Variants in SOX6 observed in about 807,000 individuals in gnomAD.
The protein encoded by SOX6 is transcription factor SOX-6.
In SOX6, 11 loss-of-function variants were observed where a neutral mutation model predicts 97.8. The observed-to-expected ratio is 0.11, with a 90% confidence interval of 0.07 to 0.19. SOX6 has a LOEUF of 0.19. Ranked by LOEUF, SOX6 falls within the 10% of genes least tolerant of loss-of-function variation. The probability of loss-of-function intolerance (pLI) is 1.00; values close to 1 mark genes in which losing one functional copy is unlikely to be tolerated. For missense variants in SOX6, 810 were observed against 1,039.5 expected (o/e 0.78, Z 3.04); for synonymous variants, 360 against 371.4 (o/e 0.97, Z 0.35).
chr11:16,678,064 A>T (rs1307237428), intron 3 of SOX6, among the ~76,000 whole-genome samples: 1 of 152,134 alleles, frequency 6.6e-6, no homozygotes, highest in African/African-American at 2.4e-5. Flanking sequence ...CTCTGACTAG[A>T]TGTTTATCAA....
chr11:16,024,939 C>T (rs1855174317), intron 12 of SOX6, among the ~76,000 whole-genome samples: 1 of 152,140 alleles, frequency 6.6e-6, no homozygotes, highest in Non-Finnish European at 1.5e-5. Flanking sequence ...TCCTAGACAT[C>T]TCCTGTAACA....
intron 4 of SOX6, 94 bp from the exon 5 acceptor site, chr11:16,187,049 G>T: frequency 7.4e-7 from 1 of 1,343,568 alleles, no homozygotes; most frequent in Non-Finnish European, 1.1e-6. Flanking sequence ...ACTATCCTAA[G>T]ACATTTAAAG....
intron 3 of SOX6, among the ~76,000 whole-genome samples, chr11:16,637,912 T>C (rs1344729941): frequency 6.6e-6 from 1 of 151,722 alleles, no homozygotes; most frequent in Non-Finnish European, 1.5e-5. Context: ...AGGGTCTCAT[T>C]CTTTTTTTTT....
intron 6 of SOX6, among the ~76,000 whole-genome samples, chr11:16,149,664 T>C (rs1444055426): frequency 6.6e-6 from 1 of 152,208 alleles, no homozygotes; most frequent in South Asian, 2.1e-4. Flanking sequence ...AGAATACTTA[T>C]GTCAATTCCT....
chr11:16,337,021 T>C (rs1286321726), intron 2 of SOX6, among the ~76,000 whole-genome samples: 2 of 152,250 alleles, frequency 1.3e-5, no homozygotes, highest in Admixed American at 6.6e-5. Context: ...TCTGAAATTG[T>C]CTCACTCTAT....
At chr11:16,215,469 C>A (rs1852347633) in intron 4 of SOX6, among the ~76,000 whole-genome samples, 1 of 152,126 alleles carries the variant, frequency 6.6e-6, no homozygotes, top group Non-Finnish European at 1.5e-5. Flanking sequence ...ACTATGCTAA[C>A]AATGTAAGAA....
chr11:16,166,992 G>C (rs754504185), intron 6 of SOX6, among the ~76,000 whole-genome samples: 13 of 152,062 alleles, frequency 8.5e-5, no homozygotes, highest in Admixed American at 7.2e-4. Context: ...TGAAAACTAC[G>C]CATACATTGA....
At chr11:16,424,796 T>C (rs1859091765) in intron 1 of SOX6, among the ~76,000 whole-genome samples, 1 of 152,214 alleles carries the variant, frequency 6.6e-6, no homozygotes, top group African/African-American at 2.4e-5. Flanking sequence ...AGAGATATTT[T>C]GTGTGTCCCA....
At chr11:16,066,790 T>C (rs750201780) in intron 9 of SOX6, among the ~76,000 whole-genome samples, 1 of 152,122 alleles carries the variant, frequency 6.6e-6, no homozygotes, top group Non-Finnish European at 1.5e-5. Flanking sequence ...GGATGGTTCA[T>C]AGGTACAGAT....
chr11:16,025,577 T>A (rs1041860403), intron 12 of SOX6, among the ~76,000 whole-genome samples: 1 of 152,206 alleles, frequency 6.6e-6, no homozygotes, highest in Non-Finnish European at 1.5e-5. Flanking sequence ...CCTGTTTAAT[T>A]TATAATGTGT....
chr11:16,097,785 C>A lies in SOX6; in HGVS notation c.899-97G>T, dbSNP rs958422971. The A allele has an allele frequency of 7.0e-6, 8 of 1,137,948 alleles. No individual in the cohort carries two copies. In the African/African-American group the frequency reaches 1.2e-4, roughly 17 times the overall value. The allele number at this position is 1,137,948 out of a possible 1,614,324, so 70.5% of individuals were successfully genotyped here. The stretch of plus-strand genomic sequence containing the variant: ...TCCTTGGATTGCCTGAGCTTTACAA[C>A]ATTGCTCTAAGCCCAAACATCTGCA... On this transcript the variant is annotated intron_variant, in intron 7 of 15. Transcript: ENST00000683767.
chr11:16,437,515 G>T (rs1384296001), intron 1 of SOX6, among the ~76,000 whole-genome samples: 1 of 152,088 alleles, frequency 6.6e-6, no homozygotes, highest in Non-Finnish European at 1.5e-5. Flanking sequence ...AAGATTAAAG[G>T]TCTTATAAGT....
chr11:16,192,352 G>A (rs1216347701), intron 4 of SOX6, among the ~76,000 whole-genome samples: 1 of 151,410 alleles, frequency 6.6e-6, no homozygotes, highest in Non-Finnish European at 1.5e-5. Flanking sequence ...TTTTTTCTTA[G>A]GGGCCTTTAT....
intron 12 of SOX6, 145 bp downstream of exon 12, chr11:16,046,369 A>G: frequency 1.2e-6 from 1 of 838,064 alleles, no homozygotes. Context: ...ATGCTACATG[A>G]CAGATTTCAG....
chr11:16,511,647 A>AGTG (rs1431824280), intron 4 of SOX6, among the ~76,000 whole-genome samples: 1 of 152,140 alleles, frequency 6.6e-6, no homozygotes, highest in African/African-American at 2.4e-5. Flanking sequence ...GGTTGTCTGC[A>AGTG]GTGGTGAATC....
chr11:16,569,773 G>A (rs1847917031), intron 4 of SOX6, among the ~76,000 whole-genome samples: 1 of 150,914 alleles, frequency 6.6e-6, no homozygotes, highest in Non-Finnish European at 1.5e-5. Flanking sequence ...GGAGGCTGAG[G>A]CAAGAGAATG....
chr11:16,189,181 A>G (rs1418441703), intron 4 of SOX6, among the ~76,000 whole-genome samples: 3 of 152,226 alleles, frequency 2.0e-5, no homozygotes, highest in African/African-American at 7.2e-5. Flanking sequence ...AGTTTAACCA[A>G]ATTTGGGTGC....
At chr11:16,412,598 A>AC (rs1305482989) in intron 1 of SOX6, among the ~76,000 whole-genome samples, 2 of 152,084 alleles carry the variant, frequency 1.3e-5, no homozygotes, top group Non-Finnish European at 2.9e-5. Flanking sequence ...ATACTATGAG[A>AC]CCCCCATCTC....
Position 16,451,983 on chromosome 11 carries a change from A to AAAATAAATAAATAAATAAATAAAT in SOX6, c.-5+24308_-5+24331dup, listed in dbSNP as rs58495641. 1.5e-3 allele frequency among the ~76,000 whole-genome samples: 219 copies of AAAATAAATAAATAAATAAATAAAT among 143,906 alleles called. 1 individual carries two copies. Among genetic ancestry groups the AAAATAAATAAATAAATAAATAAAT allele is most frequent in the African/African-American group, 3.6e-3 (137 of 38,514 alleles). 94.4% of individuals were successfully genotyped at this position (143,906 alleles called of 152,430 possible). A position where few individuals can be genotyped will look rare whatever the true frequency, so the allele number is the denominator to read the frequency against. The stretch of plus-strand genomic sequence containing the variant: ...GGGTGACAGAGCAAGACCCTATCTA[A>AAAATAAATAAATAAATAAATAAAT]AAATAAATAAATAAATAAATAAATA... On this transcript the variant is annotated intron_variant, in intron 1 of 15. Coordinates refer to the SOX6 transcript ENST00000396356.
Sources: gnomAD v4.1 joint callset for allele counts (sites outside exome capture counted in the v4.1 genomes callset) on GRCh38, gnomAD v4.1.1 for gene constraint, MANE v1.5 for transcripts, NCBI Gene and HGNC (gene_info 2026-07-23, HGNC 2026-07-21) for gene names.